Variants in GHRL observed in about 807,000 individuals in gnomAD.
GHRL encodes the protein appetite-regulating hormone.
In GHRL, 24 loss-of-function variants were observed where a neutral mutation model predicts 16.9. The observed-to-expected ratio is 1.42, with a 90% CI of 1.03 to 2.00. The LOEUF (loss-of-function observed/expected upper bound fraction) is 2.00, where lower values mean the gene tolerates loss of function less well. GHRL is among the 30% of genes most tolerant of loss of function. The pLI is 0.00. For synonymous variants in GHRL, 63 were observed against 58.2 expected, an observed-to-expected ratio of 1.08 and a Z score of -0.37; for missense variants, 193 against 142.1, an observed-to-expected ratio of 1.36 and a Z score of -1.82.
chr3:10,291,213 C>T lies in GHRL; in HGVS notation c.-527G>A. On this transcript the variant is annotated 5_prime_UTR_variant, in exon 2 of 6. An upstream open reading frame in the 5' UTR loses its in-frame stop. Coordinates refer to ENST00000335542, the MANE Select transcript of GHRL (RefSeq NM_016362.5). Reference sequence around the variant, plus strand: ...TCCGCAGGGAGCCAGGCTGGTGATTCTACACCTTCCCGAGGAGGAGTCCCA... The same window carrying T: ...TCCGCAGGGAGCCAGGCTGGTGATTTTACACCTTCCCGAGGAGGAGTCCCA... The T allele has an allele frequency of 2.0e-6, 2 of 985,582 alleles. No homozygotes were observed. The highest frequency in any genetic ancestry group is 2.4e-6 in the Non-Finnish European group (2 of 830,024). 61.1% of individuals were successfully genotyped at this position (985,582 alleles called of 1,614,324 possible). A position where few individuals can be genotyped will look rare whatever the true frequency, so the allele number is the denominator to read the frequency against.
intron 4 of GHRL, among the ~76,000 whole-genome samples, chr3:10,289,382 C>T (rs1053957143): frequency 6.6e-6 from 1 of 152,190 alleles, no homozygotes; most frequent in Non-Finnish European, 1.5e-5. Context: ...GCCCTGGAAG[C>T]CCCTGAGTAA....
At chr3:10,286,634 T>C in intron 5 of GHRL, 70 bp downstream of exon 5, 7 of 790,440 alleles carry the variant, frequency 8.9e-6, no homozygotes, top group South Asian at 7.4e-5. Flanking sequence ...GGAAAACTCA[T>C]CACCCACAGA....
chr3:10,290,940 C>T lies in GHRL; in HGVS notation c.-254G>A, dbSNP rs1479691890. 1.0e-6 allele frequency: 1 copy of T among 985,580 alleles called. No individual in the cohort carries two copies. Among genetic ancestry groups the T allele is most frequent in the Non-Finnish European group, 1.2e-6 (1 of 829,954 alleles). 61.1% of individuals were successfully genotyped at this position (985,580 alleles called of 1,614,324 possible). ...GGGTTGGCGAGGGAAGAAGCATGTG[C>T]TCCAGCTGTCCCTGGAACACGGTGG... On this transcript the variant is annotated 5_prime_UTR_variant, in exon 2 of 6. Coordinates refer to ENST00000335542, the MANE Select transcript of GHRL (RefSeq NM_016362.5).
intron 1 of GHRL, 186 bp downstream of exon 1, chr3:10,292,656 G>GGCCC: frequency 1.8e-6 from 1 of 568,162 alleles, no homozygotes; most frequent in Admixed American, 3.6e-5. Context: ...CCACCTGAGT[G>GGCCC]TAGACATCTT....
intron 5 of GHRL, 152 bp from the exon 6 acceptor site, chr3:10,286,046 G>C (rs898776092): frequency 1.4e-6 from 1 of 692,940 alleles, no homozygotes; most frequent in Non-Finnish European, 2.5e-6. Context: ...AGTGTGGACT[G>C]TTGTGCCCTG....
At chr3:10,290,642 G>A (rs1205739941) in intron 2 of GHRL, 74 bp downstream of exon 2, 1 of 734,804 alleles carries the variant, frequency 1.4e-6, no homozygotes. Context: ...GGCCCAGAGA[G>A]GTTAAACGGA....
chr3:10,286,709 G>A lies in GHRL; in HGVS notation c.329C>T (p.Ala110Val). 1.9e-6 allele frequency: 3 copies of A among 1,569,868 alleles called. No homozygotes were observed. The highest frequency in any genetic ancestry group is 2.6e-6 in the Non-Finnish European group (3 of 1,139,488). ...CCAGTCCAGGCAGGACTCACCTTTG[G>A]CCTCTTCCCAGAGGATGTCCTGAAG... is the stretch of plus-strand genomic sequence containing the variant. ...KFLQDILWEE[A>V]KEAPADK Residue 110 changes from alanine (A) to valine (V), a missense_variant, in exon 5 of 6, where the codon GCC (alanine) becomes GTC (valine). Physicochemically the swap from Ala to Val is moderately conservative, Grantham distance 64 (BLOSUM62 0). Coordinates refer to ENST00000335542, the MANE Select transcript of GHRL (RefSeq NM_016362.5).
rs765213330 is a variant in GHRL at position 10,291,190 on chromosome 3, C to T, written c.-504G>A. 130 of 985,692 alleles carry T rather than the reference C, an allele frequency of 1.3e-4. No individual in the cohort carries two copies. The highest frequency in any genetic ancestry group is 4.2e-4 in the African/African-American group (24 of 57,378). The allele number at this position is 985,692 out of a possible 1,614,324, so 61.1% of individuals were successfully genotyped here. A position where few individuals can be genotyped will look rare whatever the true frequency, so the allele number is the denominator to read the frequency against. The stretch of plus-strand genomic sequence containing the variant: ...CTGGCCTCTGTGAGCCCCGGGAGTC[C>T]GCAGGGAGCCAGGCTGGTGATTCTA... On this transcript the variant is annotated 5_prime_UTR_variant, in exon 2 of 6. Coordinates refer to ENST00000335542, the MANE Select transcript of GHRL (RefSeq NM_016362.5).
At chr3:10,292,249 A>G (rs1409517174) in intron 1 of GHRL, 1 of 152,350 alleles carries the variant, frequency 6.6e-6, no homozygotes, top group Non-Finnish European at 1.5e-5. Context: ...GGATTCCCCC[A>G]TGGATCTCTT....
At chr3:10,287,056 C>T in intron 4 of GHRL, 1 of 364,712 alleles carries the variant, frequency 2.7e-6, no homozygotes, top group Non-Finnish European at 5.1e-6. Flanking sequence ...TCAGCCTTAG[C>T]CTCTAATGGG....
chr3:10,285,827 G>A lies in GHRL; in HGVS notation c.*48C>T, dbSNP rs781154531. The A allele has an allele frequency of 3.2e-6, 5 of 1,561,332 alleles. No homozygotes were observed. The highest frequency in any genetic ancestry group is 4.4e-6 in the Non-Finnish European group (5 of 1,132,242). On this transcript the variant is annotated 3_prime_UTR_variant, in exon 6 of 6. Transcript: ENST00000335542. ...TGCTGCAGAAGCAAGCGAAAAGCCA[G>A]ATGAGCGCTTCTAAACTTAGAGAGA...
intron 2 of GHRL, chr3:10,290,418 C>T (rs939202324): frequency 5.7e-6 from 3 of 530,226 alleles, no homozygotes; most frequent in African/African-American, 1.9e-5. Context: ...GAACACCTGG[C>T]AGCAGGACTT....
chr3:10,290,819 T>C lies in GHRL; in HGVS notation c.-133A>G. 1.0e-6 allele frequency: 1 copy of C among 987,256 alleles called. No individual in the cohort carries two copies. The highest frequency in any genetic ancestry group is 1.2e-6 in the Non-Finnish European group (1 of 831,140). 61.2% of individuals were successfully genotyped at this position (987,256 alleles called of 1,614,324 possible). The stretch of plus-strand genomic sequence containing the variant: ...AACCCCATCCCAGAGGTGGCCTAGC[T>C]TCCGTGGGGCTGATGTACATTCCTT... On this transcript the variant is annotated 5_prime_UTR_variant, in exon 2 of 6. Coordinates refer to ENST00000335542, the MANE Select transcript of GHRL (RefSeq NM_016362.5).
chr3:10,289,029 G>A (rs1483682418), intron 4 of GHRL, among the ~76,000 whole-genome samples: 1 of 152,132 alleles, frequency 6.6e-6, no homozygotes, highest in Admixed American at 6.5e-5. Flanking sequence ...TGGTATCCTC[G>A]GGCACAGCGT....
chr3:10,287,238 C>T (rs1478338942), intron 4 of GHRL: 1 of 157,060 alleles, frequency 6.4e-6, no homozygotes, highest in African/African-American at 2.4e-5. Flanking sequence ...GCTCCCAGCT[C>T]TTTCTCCTTT....
Position 10,289,753 on chromosome 3 carries a change from G to A in GHRL, c.225+9C>T. 6.5e-7 allele frequency: 1 copy of A among 1,534,662 alleles called. No individual in the cohort carries two copies. Among genetic ancestry groups the A allele is most frequent in the Non-Finnish European group, 9.0e-7 (1 of 1,107,700 alleles). On this transcript the variant is annotated intron_variant, in intron 4 of 5. Coordinates refer to ENST00000335542, the MANE Select transcript of GHRL (RefSeq NM_016362.5). ...TGCCACAGAAGCATAAAACTGCAGA[G>A]GTACCGACCCGGACTTCCAGTTCAT...
chr3:10,291,485 T>C, intron 1 of GHRL, 34 bp from the exon 2 acceptor site: 2 of 984,338 alleles, frequency 2.0e-6, no homozygotes, highest in Non-Finnish European at 2.4e-6. Context: ...AGCACGGGCC[T>C]GGCTCCTCTC....
chr3:10,285,816 G>A lies in GHRL; in HGVS notation c.*59C>T, dbSNP rs1698968758. On this transcript the variant is annotated 3_prime_UTR_variant, in exon 6 of 6. Transcript: ENST00000335542. ...GTCGTGGGAGTTGCTGCAGAAGCAA[G>A]CGAAAAGCCAGATGAGCGCTTCTAA... 1 of 1,475,740 alleles carries A rather than the reference G, an allele frequency of 6.8e-7. No individual in the cohort carries two copies. Among genetic ancestry groups the A allele is most frequent in the African/African-American group, 1.4e-5 (1 of 72,204 alleles). The allele number at this position is 1,475,740 out of a possible 1,614,324, so 91.4% of individuals were successfully genotyped here. A position where few individuals can be genotyped will look rare whatever the true frequency, so the allele number is the denominator to read the frequency against.
In GHRL at chr3:10,289,774, T is replaced by G. The variant is rs1017834879; in HGVS notation, c.213A>C (p.Glu71Asp). ...CAGAGGTACCGACCCGGACTTCCAGTTCATCCTCTGCCCCTTCTGCTTGAC... is the reference window on the plus strand; with the variant it reads ...CAGAGGTACCGACCCGGACTTCCAGGTCATCCTCTGCCCCTTCTGCTTGAC... ...DGGQAEGAED[E>D]LEVRFNAPFD... The change falls in exon 4 of 6, where the codon GAA (glutamate) becomes GAC (aspartate). Residue 71 changes from glutamate (E) to aspartate (D), a missense_variant. By Grantham distance (45) the Glu-to-Asp change is conservative. Transcript: ENST00000335542. The G allele has an allele frequency of 6.2e-7, 1 of 1,604,342 alleles. No individual in the cohort carries two copies. Among genetic ancestry groups the G allele is most frequent in the East Asian group, 2.2e-5 (1 of 44,798 alleles).
Sources: allele counts gnomAD v4.1 joint callset (sites outside exome capture counted in the v4.1 genomes callset), GRCh38; gene constraint gnomAD v4.1.1; transcripts MANE v1.5; gene names NCBI Gene and HGNC (gene_info 2026-07-23, HGNC 2026-07-21).